UTS2B: variants seen among roughly 807,000 people sequenced by gnomAD.
The protein encoded by UTS2B is urotensin-2B.
Under a neutral mutation model 19.2 loss-of-function variants are expected in UTS2B, and 21 were observed. The observed-to-expected ratio is 1.09, with a 90% CI of 0.78 to 1.58. The LOEUF is 1.58. UTS2B is among the 40% of genes most tolerant of loss of function. UTS2B has a pLI of 0.00. For synonymous variants in UTS2B, 57 were observed against 50.2 expected (o/e 1.14, Z -0.58); for missense variants, 138 against 130.3 (o/e 1.06, Z -0.29).
intron 8 of UTS2B, among the ~76,000 whole-genome samples, chr3:191,272,591 T>A (rs1273679450): frequency 1.3e-5 from 2 of 152,230 alleles, no homozygotes; most frequent in African/African-American, 4.8e-5. Flanking sequence ...CTGGGCATGG[T>A]GGCTCATGCC....
intron 2 of UTS2B, chr3:191,328,429 T>C (rs991742020): frequency 6.6e-6 from 1 of 152,394 alleles, no homozygotes; most frequent in African/African-American, 2.4e-5. Flanking sequence ...GTCTTCAGTT[T>C]GGCCTCATCA....
the UTS2B span, among the ~76,000 whole-genome samples, chr3:191,338,385 A>G: frequency 6.6e-6 from 1 of 152,214 alleles, no homozygotes; most frequent in African/African-American, 2.4e-5. Flanking sequence ...GACGTAGAAG[A>G]AAGAGAAAGA....
At chr3:191,291,444 G>T (rs892209608) in intron 4 of UTS2B, among the ~76,000 whole-genome samples, 3 of 146,152 alleles carry the variant, frequency 2.1e-5, no homozygotes, top group Non-Finnish European at 4.6e-5. Flanking sequence ...CTAAAATTTA[G>T]GTCTTTGAAC....
intron 2 of UTS2B, among the ~76,000 whole-genome samples, chr3:191,327,357 C>T (rs774176625): frequency 6.6e-6 from 1 of 152,148 alleles, no homozygotes; most frequent in Non-Finnish European, 1.5e-5. Context: ...ATTAGCCAGG[C>T]GTTGTGGTGC....
chr3:191,281,162 A>T (rs1716374260), intron 5 of UTS2B, among the ~76,000 whole-genome samples: 1 of 152,166 alleles, frequency 6.6e-6, no homozygotes, highest in African/African-American at 2.4e-5. Context: ...ATGTAAACAA[A>T]ATTTATTACA....
At chr3:191,306,343 G>A (rs538465637) in intron 3 of UTS2B, among the ~76,000 whole-genome samples, 24 of 152,252 alleles carry the variant, frequency 1.6e-4, no homozygotes, top group African/African-American at 4.6e-4. Flanking sequence ...ATATTTAACT[G>A]GCTCACTGAT....
upstream of UTS2B, among the ~76,000 whole-genome samples, chr3:191,330,909 G>C (rs1717959517): frequency 6.6e-6 from 1 of 152,126 alleles, no homozygotes; most frequent in Non-Finnish European, 1.5e-5. Flanking sequence ...TACTGTTCCG[G>C]AAGGGTGTTA....
intron 5 of UTS2B, among the ~76,000 whole-genome samples, chr3:191,280,040 CGA>C (rs1397260044): frequency 3.3e-5 from 5 of 151,964 alleles, no homozygotes; most frequent in African/African-American, 1.2e-4. Flanking sequence ...TGCTCCAATA[CGA>C]GAGAGTGTTT....
chr3:191,294,288 T>A (rs1716800410), intron 4 of UTS2B, among the ~76,000 whole-genome samples: 1 of 151,836 alleles, frequency 6.6e-6, no homozygotes, highest in Non-Finnish European at 1.5e-5. Context: ...AGGATTCAAC[T>A]GAAATATAAA....
At chr3:191,326,597 T>C (rs912304329) in intron 2 of UTS2B, among the ~76,000 whole-genome samples, 1 of 152,372 alleles carries the variant, frequency 6.6e-6, no homozygotes, top group African/African-American at 2.4e-5. Flanking sequence ...GAATTACTTG[T>C]TTGGCATCTG....
At chr3:191,336,996 A>G in the UTS2B span, among the ~76,000 whole-genome samples, 4 of 152,248 alleles carry the variant, frequency 2.6e-5, no homozygotes, top group African/African-American at 9.6e-5. Context: ...TGAAAATTGT[A>G]TGAAATTCAA....
At chr3:191,280,501 C>A (rs1716356432) in intron 5 of UTS2B, among the ~76,000 whole-genome samples, 1 of 152,072 alleles carries the variant, frequency 6.6e-6, no homozygotes, top group Non-Finnish European at 1.5e-5. Flanking sequence ...AAAATGTATA[C>A]ATGGAGAAGA....
chr3:191,289,345 C>T (rs977388458), intron 4 of UTS2B, among the ~76,000 whole-genome samples: 1 of 151,598 alleles, frequency 6.6e-6, no homozygotes, highest in Admixed American at 6.6e-5. Flanking sequence ...GGAGACAGAG[C>T]TTGCAGTGAG....
At chr3:191,277,788 T>C (rs1413849277) in intron 6 of UTS2B, among the ~76,000 whole-genome samples, 1 of 151,946 alleles carries the variant, frequency 6.6e-6, no homozygotes, top group Non-Finnish European at 1.5e-5. Flanking sequence ...GAGAATTGCA[T>C]AGATGAGAAG....
chr3:191,340,176 G>A, the UTS2B span, among the ~76,000 whole-genome samples: 3 of 152,178 alleles, frequency 2.0e-5, no homozygotes, highest in East Asian at 3.8e-4. Context: ...AGGACATGAG[G>A]CTCTGATTTG....
At chr3:191,318,284 C>G (rs1717520362) in intron 2 of UTS2B, among the ~76,000 whole-genome samples, 1 of 152,170 alleles carries the variant, frequency 6.6e-6, no homozygotes, top group East Asian at 1.9e-4. Flanking sequence ...ACTCTTCATA[C>G]TTTAAGCATT....
At position 191,268,372 on chromosome 3, in the gene UTS2B, T is replaced by G. The variant is rs1465739435; in HGVS notation, c.*44A>C. On this transcript the variant is annotated 3_prime_UTR_variant, in exon 9 of 9. Transcript: ENST00000340524. The stretch of plus-strand genomic sequence containing the variant: ...ACAGCAGAGTGAGTAGATACATATA[T>G]TTTCCTGATATTCTTATCTTTTTTT... The G allele has an allele frequency of 2.7e-6, 4 of 1,477,738 alleles. No homozygotes were observed. Among genetic ancestry groups the G allele is most frequent in the East Asian group, 2.3e-5 (1 of 42,922 alleles). 91.5% of individuals were successfully genotyped at this position (1,477,738 alleles called of 1,614,324 possible).
intron 4 of UTS2B, among the ~76,000 whole-genome samples, chr3:191,302,976 T>C (rs1380981664): frequency 1.3e-5 from 2 of 152,182 alleles, no homozygotes; most frequent in Non-Finnish European, 2.9e-5. Context: ...CTCCTTACAA[T>C]AATATCATCA....
At chr3:191,293,249 C>A (rs551476285) in intron 4 of UTS2B, among the ~76,000 whole-genome samples, 21 of 152,172 alleles carry the variant, frequency 1.4e-4, no homozygotes, top group African/African-American at 5.1e-4. Flanking sequence ...GATATCAGGG[C>A]AATACTGGCC....
Sources: allele counts gnomAD v4.1 joint callset (sites outside exome capture counted in the v4.1 genomes callset), GRCh38; gene constraint gnomAD v4.1.1; transcripts MANE v1.5; gene names NCBI Gene and HGNC (gene_info 2026-07-23, HGNC 2026-07-21).